MGAT5: variants seen among roughly 807,000 people sequenced by gnomAD.
MGAT5 encodes the protein alpha-1,6-mannosylglycoprotein 6-beta-N-acetylglucosaminyltransferase.
In MGAT5, 30 loss-of-function variants were observed where a neutral mutation model predicts 94.3. That is an observed-to-expected ratio of 0.32 (90% CI 0.24 to 0.43). The LOEUF (loss-of-function observed/expected upper bound fraction) is 0.43. MGAT5 is among the 20% of genes least tolerant of loss of function. The pLI is 1.00. For missense variants in MGAT5, 691 were observed against 905.5 expected (o/e 0.76, Z 3.04); for synonymous variants, 310 against 322.9 (o/e 0.96, Z 0.43).
chr2:134,151,838 G>T (rs1302865214), intron 1 of MGAT5, among the ~76,000 whole-genome samples: 44 of 104,414 alleles, frequency 4.2e-4, no homozygotes, highest in East Asian at 1.0e-3. Context: ...CCTCACTCAC[G>T]CCCTATGGGA....
Position 134,345,015 on chromosome 2 carries a change from G to T in MGAT5, c.1063G>T (p.Gly355Ter), listed in dbSNP as rs1688839273. The T allele has an allele frequency of 6.2e-7, 1 of 1,613,436 alleles. No homozygotes were observed. ...IVELIYIDIVGLAQFKKTLGP... is the reference protein window; with the variant it reads ...IVELIYIDIV ...TGAGCTCATTTACATTGATATTGTAGGACTTGCTCAATTCAAGAAAACTCT... is the reference window on the plus strand; with the variant it reads ...TGAGCTCATTTACATTGATATTGTATGACTTGCTCAATTCAAGAAAACTCT... Residue 355 changes from glycine to a stop codon, truncating the protein, a stop_gained, in exon 8 of 16, where the codon GGA becomes TGA. Transcript: ENST00000281923. LOFTEE classifies it high-confidence loss of function.
intron 1 of MGAT5, among the ~76,000 whole-genome samples, chr2:134,160,886 AT>A (rs1687703467): frequency 6.6e-6 from 1 of 152,190 alleles, no homozygotes; most frequent in South Asian, 2.1e-4. Flanking sequence ...GCATTGGGTA[AT>A]GGTCCAGCTG....
chr2:134,196,439 T>A (rs183015392), intron 1 of MGAT5, among the ~76,000 whole-genome samples: 1 of 152,340 alleles, frequency 6.6e-6, no homozygotes, highest in Non-Finnish European at 1.5e-5. Context: ...GGGAGCTTTT[T>A]AAAACACTCT....
intron 1 of MGAT5, among the ~76,000 whole-genome samples, chr2:134,195,827 A>G (rs1326172586): frequency 6.6e-6 from 1 of 152,202 alleles, no homozygotes; most frequent in Non-Finnish European, 1.5e-5. Context: ...TATTTGTGAC[A>G]ATTGTATTAA....
chr2:134,137,893 T>C (rs200246164), intron 1 of MGAT5, among the ~76,000 whole-genome samples: 1 of 149,874 alleles, frequency 6.7e-6, no homozygotes, highest in Non-Finnish European at 1.5e-5. Context: ...CTTTTCTTTT[T>C]TTTTTTTGCA....
intron 1 of MGAT5, among the ~76,000 whole-genome samples, chr2:134,238,045 G>T (rs774069498): frequency 6.6e-6 from 1 of 151,922 alleles, no homozygotes; most frequent in Non-Finnish European, 1.5e-5. Flanking sequence ...CACTGCGCCC[G>T]GCCTCCTTTT....
chr2:134,233,162 G>T (rs1681458316), intron 1 of MGAT5, among the ~76,000 whole-genome samples: 1 of 152,162 alleles, frequency 6.6e-6, no homozygotes, highest in African/African-American at 2.4e-5. Flanking sequence ...AGGGTACAGG[G>T]CTGGTTCTGT....
At chr2:134,362,451 G>A in intron 10 of MGAT5, 43 bp downstream of exon 10, 2 of 1,598,060 alleles carry the variant, frequency 1.3e-6, no homozygotes, top group Non-Finnish European at 8.5e-7. Context: ...AAAGAAGCTT[G>A]TTGGGTAATT....
intron 2 of MGAT5, among the ~76,000 whole-genome samples, chr2:134,273,882 T>TC: frequency 6.6e-6 from 1 of 152,336 alleles, no homozygotes; most frequent in Non-Finnish European, 1.5e-5. Context: ...AAAGCAGATT[T>TC]TTAAAATCCC....
At chr2:134,251,171 A>C (rs943246950), upstream of MGAT5, among the ~76,000 whole-genome samples, 3 of 152,068 alleles carry the variant, frequency 2.0e-5, no homozygotes, top group Non-Finnish European at 2.9e-5. Context: ...GTTCAAAATT[A>C]AGTAATGAGT....
chr2:134,135,213 A>G (rs1162889904), intron 1 of MGAT5, among the ~76,000 whole-genome samples: 1 of 152,182 alleles, frequency 6.6e-6, no homozygotes, highest in Admixed American at 6.5e-5. Flanking sequence ...AATTGTGTTT[A>G]GGTAGGTTAT....
intron 1 of MGAT5, among the ~76,000 whole-genome samples, chr2:134,121,915 G>C (rs1283451283): frequency 1.3e-5 from 2 of 152,072 alleles, no homozygotes; most frequent in African/African-American, 4.8e-5. Flanking sequence ...GAACTCCCTT[G>C]TCTGTACCGA....
chr2:134,405,453 A>G (rs779098762), intron 11 of MGAT5, among the ~76,000 whole-genome samples: 4 of 152,216 alleles, frequency 2.6e-5, no homozygotes, highest in Admixed American at 6.5e-5. Context: ...CCTGGCACAC[A>G]GCTACAGGCT....
chr2:134,370,700 C>A (rs1173854578), intron 10 of MGAT5, among the ~76,000 whole-genome samples: 1 of 152,166 alleles, frequency 6.6e-6, no homozygotes, highest in Non-Finnish European at 1.5e-5. Context: ...AAAGGGCACT[C>A]ACATCACAGA....
intron 10 of MGAT5, among the ~76,000 whole-genome samples, chr2:134,388,760 T>C (rs1228572150): frequency 6.9e-6 from 1 of 145,606 alleles, no homozygotes; most frequent in Non-Finnish European, 1.5e-5. Flanking sequence ...CAGGTTTGAT[T>C]TTTTTGGGGG....
At chr2:134,199,984 A>G (rs1679700430) in intron 1 of MGAT5, among the ~76,000 whole-genome samples, 3 of 152,198 alleles carry the variant, frequency 2.0e-5, no homozygotes, top group Admixed American at 6.5e-5. Flanking sequence ...TCTTAAAATC[A>G]TTGATTAGAG....
At position 134,120,736 on chromosome 2, in the gene MGAT5, G is replaced by A. The variant is rs532117824; in HGVS notation, c.-143+445G>A. Among the ~76,000 whole-genome samples, 7 of 152,044 alleles carry A rather than the reference G, an allele frequency of 4.6e-5. No homozygotes were observed. In the East Asian group the frequency reaches 1.4e-3, roughly 30 times the overall value. Reference sequence around the variant, plus strand: ...CGCAGGCGTGGGCCGGGCCGGGCCGGGGTCCTCGGGACCCAGGCGCACTGG... The same window carrying A: ...CGCAGGCGTGGGCCGGGCCGGGCCGAGGTCCTCGGGACCCAGGCGCACTGG... On this transcript the variant is annotated intron_variant, in intron 1 of 16. Transcript: ENST00000409645.
intron 1 of MGAT5, among the ~76,000 whole-genome samples, chr2:134,247,841 C>G (rs1682372044): frequency 6.6e-6 from 1 of 152,196 alleles, no homozygotes; most frequent in Admixed American, 6.5e-5. Flanking sequence ...GTTTTTGATG[C>G]AAGGTTCTCT....
At chr2:134,120,224 G>T (rs1436680380) in exon 1 of MGAT5, 1 of 352,182 alleles carries the variant, frequency 2.8e-6, no homozygotes, top group Non-Finnish European at 5.1e-6. Context: ...TCGCGACCTC[G>T]CGCCTCGGGC....
Sources: gnomAD v4.1 joint callset for allele counts (sites outside exome capture counted in the v4.1 genomes callset) on GRCh38, gnomAD v4.1.1 for gene constraint, MANE v1.5 for transcripts, NCBI Gene and HGNC (gene_info 2026-07-23, HGNC 2026-07-21) for gene names.